Variants in NDUFAF7 observed in about 807,000 individuals in gnomAD.
NDUFAF7 encodes NADH:ubiquinone oxidoreductase complex assembly factor 7.
Under a neutral mutation model 47.2 loss-of-function variants are expected in NDUFAF7, and 48 were observed. The observed-to-expected ratio is 1.02, with a 90% CI of 0.81 to 1.29. The LOEUF (loss-of-function observed/expected upper bound fraction) is 1.29. NDUFAF7 is among the 50% of genes most tolerant of loss of function. The probability of loss-of-function intolerance (pLI) is 0.00; values close to 1 mark genes in which losing one functional copy is unlikely to be tolerated. For missense variants in NDUFAF7, 635 were observed against 537.6 expected (o/e 1.18, Z -1.79); for synonymous variants, 217 against 190.0 (o/e 1.14, Z -1.17).
the NDUFAF7 span, among the ~76,000 whole-genome samples, chr2:37,270,113 G>A: frequency 6.6e-6 from 1 of 152,120 alleles, no homozygotes; most frequent in South Asian, 2.1e-4. Flanking sequence ...TGTAATCCTA[G>A]CTACTCGGGA....
chr2:37,254,141 G>T, downstream of NDUFAF7: 1 of 1,230,788 alleles, frequency 8.1e-7, no homozygotes, highest in Non-Finnish European at 1.2e-6. Context: ...CTCATTAGGT[G>T]GGACAAATCA....
chr2:37,236,857 G>C (rs1328724582), intron 3 of NDUFAF7, among the ~76,000 whole-genome samples: 1 of 152,030 alleles, frequency 6.6e-6, no homozygotes, highest in East Asian at 1.9e-4. Flanking sequence ...GCCCAGGAGA[G>C]TGCCCGGGAA....
downstream of NDUFAF7, chr2:37,253,043 T>C: frequency 1.1e-6 from 1 of 874,044 alleles, no homozygotes; most frequent in South Asian, 2.2e-5. Flanking sequence ...ACTACAGTAC[T>C]GGTGTCACTT....
At chr2:37,268,907 A>T in the NDUFAF7 span, 1 of 153,174 alleles carries the variant, frequency 6.5e-6, no homozygotes, top group South Asian at 2.1e-4. Flanking sequence ...GTGAGGTAAT[A>T]CTAATATCAG....
At chr2:37,249,295 G>GCAT (rs1667262171), downstream of NDUFAF7, 1 of 152,106 alleles carries the variant, frequency 6.6e-6, no homozygotes, top group Non-Finnish European at 1.5e-5. Flanking sequence ...CTTACATTGT[G>GCAT]CATCTGTGCA....
At chr2:37,256,899 T>G, downstream of NDUFAF7, 1 of 1,614,100 alleles carries the variant, frequency 6.2e-7, no homozygotes, top group Non-Finnish European at 8.5e-7. Flanking sequence ...TCACCAATGA[T>G]GCGTGCAAAT....
chr2:37,244,507 C>A (rs1452758197), intron 7 of NDUFAF7, among the ~76,000 whole-genome samples: 1 of 152,156 alleles, frequency 6.6e-6, no homozygotes, highest in Non-Finnish European at 1.5e-5. Flanking sequence ...AGAATTACTA[C>A]TGCTTTCTGT....
rs1402491104 is a variant in NDUFAF7, at chr2:37,241,583, C to G, written c.414C>G (p.Phe138Leu). ...GTLVGDILRV[F>L]TQLGSVLKNC... ...TTTCTTCTTTTGGTATTTAGGTGTT[C>G]ACTCAACTTGGATCTGTGCTGAAAA... The change falls in exon 5 of 10, where the codon TTC becomes TTG. Residue 138 changes from phenylalanine to leucine, a missense_variant. By Grantham distance (22) the Phe-to-Leu change is conservative. Transcript: ENST00000002125. The G allele has an allele frequency of 6.2e-7, 1 of 1,612,446 alleles. No individual in the cohort carries two copies. The highest frequency in any genetic ancestry group is 2.2e-5 in the East Asian group (1 of 44,856).
downstream of NDUFAF7, among the ~76,000 whole-genome samples, chr2:37,250,160 A>G (rs1370385492): frequency 6.6e-6 from 1 of 152,068 alleles, no homozygotes; most frequent in African/African-American, 2.4e-5. Context: ...AAGTAAAGGA[A>G]GACGGAGGCC....
At chr2:37,254,590 G>C (rs1397809340), downstream of NDUFAF7, among the ~76,000 whole-genome samples, 11 of 152,106 alleles carry the variant, frequency 7.2e-5, no homozygotes, top group African/African-American at 1.4e-4. Flanking sequence ...TGTGATACTG[G>C]GTCAGTTACT....
At chr2:37,243,598 TC>T (rs1270405220) in intron 6 of NDUFAF7, among the ~76,000 whole-genome samples, 4 of 152,252 alleles carry the variant, frequency 2.6e-5, no homozygotes, top group Non-Finnish European at 5.9e-5. Context: ...TGGCTGTTCT[TC>T]CTGAGTCTAT....
At chr2:37,243,826 T>G (rs1558501483) in intron 6 of NDUFAF7, 37 bp from the exon 7 acceptor site, 1 of 1,547,512 alleles carries the variant, frequency 6.5e-7, no homozygotes, top group African/African-American at 1.4e-5. Context: ...AGAACAAACT[T>G]GCAAAAATTT....
chr2:37,247,971 C>G lies in NDUFAF7; in HGVS notation c.1111-164C>G, dbSNP rs12712529. On this transcript the variant is annotated intron_variant, in intron 9 of 9. Coordinates refer to ENST00000002125, the MANE Select transcript of NDUFAF7 (RefSeq NM_144736.5). Reference sequence around the variant, plus strand: ...TGCAAATCCTTAGGTTTGTTTCACACCAATCTACATTTTTAATAAGTACTC... The same window carrying G: ...TGCAAATCCTTAGGTTTGTTTCACAGCAATCTACATTTTTAATAAGTACTC... 0.42 allele frequency among the ~76,000 whole-genome samples: 64,373 copies of G among 152,080 alleles called. 14,836 individuals carry two copies. Among genetic ancestry groups the G allele is most frequent in the Middle Eastern group, 0.52 (152 of 292 alleles).
chr2:37,246,300 A>G (rs1286759462), intron 8 of NDUFAF7, 105 bp downstream of exon 8: 30 of 1,291,682 alleles, frequency 2.3e-5, no homozygotes, highest in Non-Finnish European at 2.9e-5. Flanking sequence ...GTATTACATT[A>G]TTTTATAGTT....
downstream of NDUFAF7, among the ~76,000 whole-genome samples, chr2:37,256,383 T>C (rs966722254): frequency 1.3e-5 from 2 of 152,158 alleles, no homozygotes; most frequent in Admixed American, 1.3e-4. Context: ...GAAAAGAGTT[T>C]AACAGGTAAG....
At chr2:37,237,699 G>T in intron 3 of NDUFAF7, 58 bp from the exon 4 acceptor site, 1 of 1,278,472 alleles carries the variant, frequency 7.8e-7, no homozygotes, top group East Asian at 2.5e-5. Flanking sequence ...TTTATATTGT[G>T]GTATACTTTT....
the NDUFAF7 span, among the ~76,000 whole-genome samples, chr2:37,265,836 G>A: frequency 6.6e-6 from 1 of 152,114 alleles, no homozygotes; most frequent in African/African-American, 2.4e-5. Context: ...TTTTCATACT[G>A]TGCATTACCT....
chr2:37,246,140 G>C lies in NDUFAF7; in HGVS notation c.881G>C (p.Gly294Ala). ...ELSQRIALTG[G>A]AALVADYGHD... ...TCTCAACGCATTGCATTAACTGGAGGTGCTGCACTGGTTGCTGATTATGGT... is the reference window on the plus strand; with the variant it reads ...TCTCAACGCATTGCATTAACTGGAGCTGCTGCACTGGTTGCTGATTATGGT... The change falls in exon 8 of 10, where the codon GGT becomes GCT. Residue 294 changes from glycine to alanine, a missense_variant. By Grantham distance (60) the Gly-to-Ala change is moderately conservative. Coordinates refer to ENST00000002125, the MANE Select transcript of NDUFAF7 (RefSeq NM_144736.5). 1 of 1,613,844 alleles carries C rather than the reference G, an allele frequency of 6.2e-7. No homozygotes were observed. The highest frequency in any genetic ancestry group is 1.7e-4 in the Middle Eastern group (1 of 6,058).
intron 2 of NDUFAF7, among the ~76,000 whole-genome samples, chr2:37,234,607 C>G (rs1665554462): frequency 6.6e-6 from 1 of 152,052 alleles, no homozygotes; most frequent in East Asian, 1.9e-4. Flanking sequence ...ACTAGAAAGC[C>G]TAGAAGAAGA....
Sources: allele counts gnomAD v4.1 joint callset (sites outside exome capture counted in the v4.1 genomes callset), GRCh38; gene constraint gnomAD v4.1.1; transcripts MANE v1.5; gene names NCBI Gene and HGNC (gene_info 2026-07-23, HGNC 2026-07-21).